Variants in CDK15 observed in about 807,000 individuals in gnomAD.
CDK15 encodes the protein cyclin-dependent kinase 15.
In CDK15, 62 loss-of-function variants were observed where a neutral mutation model predicts 60.3. That is an observed-to-expected ratio of 1.03 (90% CI 0.84 to 1.27). The LOEUF (loss-of-function observed/expected upper bound fraction) is 1.27, where lower values mean the gene tolerates loss of function less well. Among genes scored for constraint, CDK15 ranks in the 50% most tolerant of loss-of-function variants. The pLI is 0.00. For missense variants in CDK15, 541 were observed against 527.8 expected (o/e 1.03, Z -0.25); for synonymous variants, 194 against 195.7 (o/e 0.99, Z 0.07).
chr2:201,860,775 C>T (rs1002323651), intron 10 of CDK15: 8 of 1,352,054 alleles, frequency 5.9e-6, no homozygotes, highest in Admixed American at 1.9e-5. Flanking sequence ...GGCATACTGA[C>T]ATCGGACAGC....
chr2:201,833,883 C>T lies in CDK15; in HGVS notation c.642C>T (p.Tyr214=), dbSNP rs1696884652. The part of the protein sequence containing the change: ...FMFQLLRGLA[Y]IHHQHVLHRD... ...TTCAACTTTTGCGGGGCCTGGCGTA[C>T]ATCCACCACCAACACGTTCTTCACA... The change falls in exon 7 of 14, where the codon TAC becomes TAT. Residue 214 remains tyrosine, a synonymous_variant. Transcript: ENST00000652192. The T allele has an allele frequency of 1.2e-6, 2 of 1,613,894 alleles. No individual in the cohort carries two copies. The highest frequency in any genetic ancestry group is 1.3e-5 in the African/African-American group (1 of 74,868).
At chr2:201,824,637 A>G (rs1442583076) in intron 6 of CDK15, 5 of 327,118 alleles carry the variant, frequency 1.5e-5, no homozygotes, top group Non-Finnish European at 2.9e-5. Flanking sequence ...TCCCCTTTGT[A>G]AGATTTGTAA....
At chr2:201,820,383 G>A (rs1307286496) in intron 4 of CDK15, among the ~76,000 whole-genome samples, 1 of 152,208 alleles carries the variant, frequency 6.6e-6, no homozygotes, top group South Asian at 2.1e-4. Flanking sequence ...GGGGCAAGAA[G>A]CTGGCAAGAA....
intron 4 of CDK15, among the ~76,000 whole-genome samples, chr2:201,814,519 C>T (rs1327868548): frequency 1.3e-5 from 2 of 152,170 alleles, no homozygotes; most frequent in African/African-American, 2.4e-5. Context: ...AGATATGAGG[C>T]TTTATTCGAA....
chr2:201,827,361 C>T (rs1696553400), intron 6 of CDK15, among the ~76,000 whole-genome samples: 1 of 152,146 alleles, frequency 6.6e-6, no homozygotes, highest in African/African-American at 2.4e-5. Flanking sequence ...GGGTGGATCG[C>T]TTGAGCACAG....
At position 201,807,843 on chromosome 2, in the gene CDK15, A is replaced by C. The variant is rs1695585692; in HGVS notation, c.274-15A>C. 6.3e-7 allele frequency: 1 copy of C among 1,595,580 alleles called. No individual in the cohort carries two copies. On this transcript the variant is annotated splice_polypyrimidine_tract_variant and intron_variant, in intron 2 of 13. Transcript: ENST00000652192. Reference sequence around the variant, plus strand: ...TCCCTTTCACCCGCTCCTTTTCCCCATTCCCCTAGAGCAGAGGAAGAGCCT... The same window carrying C: ...TCCCTTTCACCCGCTCCTTTTCCCCCTTCCCCTAGAGCAGAGGAAGAGCCT...
At chr2:201,823,059 C>G (rs1211976019) in intron 5 of CDK15, among the ~76,000 whole-genome samples, 156 bp downstream of exon 5, 1 of 152,086 alleles carries the variant, frequency 6.6e-6, no homozygotes, top group Non-Finnish European at 1.5e-5. Context: ...CTTATTGTTC[C>G]CACATCCATC....
At chr2:201,887,377 T>C (rs917396559) in intron 12 of CDK15, among the ~76,000 whole-genome samples, 7 of 152,350 alleles carry the variant, frequency 4.6e-5, no homozygotes, top group South Asian at 2.1e-4. Flanking sequence ...GTCATTTCTT[T>C]TCCTTTCTCA....
At chr2:201,881,796 A>G (rs80299254) in intron 12 of CDK15, among the ~76,000 whole-genome samples, 1,878 of 151,716 alleles carry the variant, frequency 0.012, 44 homozygotes, top group African/African-American at 0.043. Context: ...CCCTCTTCCC[A>G]GTCCAAGCCC....
At chr2:201,857,304 G>A (rs1698187049) in intron 10 of CDK15, among the ~76,000 whole-genome samples, 1 of 149,998 alleles carries the variant, frequency 6.7e-6, no homozygotes, top group South Asian at 2.2e-4. Context: ...AAAATTTTCT[G>A]TTGTTTCAAA....
intron 12 of CDK15, among the ~76,000 whole-genome samples, chr2:201,887,833 C>T (rs555909397): frequency 2.6e-5 from 4 of 152,208 alleles, no homozygotes; most frequent in African/African-American, 7.2e-5. Flanking sequence ...CTGTGTGATC[C>T]TCTGGGCTTT....
intron 10 of CDK15, among the ~76,000 whole-genome samples, chr2:201,867,549 C>A (rs575721492): frequency 6.6e-6 from 1 of 151,398 alleles, no homozygotes; most frequent in Non-Finnish European, 1.5e-5. Context: ...GGCTTGAGAC[C>A]GGGAGGTCAA....
At chr2:201,890,755 A>T (rs371483851) in intron 12 of CDK15, 30 bp from the exon 13 acceptor site, 114 of 1,516,758 alleles carry the variant, frequency 7.5e-5, no homozygotes, top group Non-Finnish European at 9.9e-5. Context: ...GAAATAACAT[A>T]TTGGTGCTTC....
At chr2:201,848,188 A>C (rs1421881739) in intron 9 of CDK15, among the ~76,000 whole-genome samples, 1 of 152,146 alleles carries the variant, frequency 6.6e-6, no homozygotes, top group Non-Finnish European at 1.5e-5. Flanking sequence ...TGTACCATTT[A>C]TCATGCTTAT....
Position 201,869,082 on chromosome 2 carries a change from A to G in CDK15, c.1010-3196A>G, listed in dbSNP as rs568018940. 6.0e-4 allele frequency among the ~76,000 whole-genome samples: 91 copies of G among 152,362 alleles called. 1 individual carries two copies. Among genetic ancestry groups the G allele is most frequent in the South Asian group, 1.7e-3 (8 of 4,830 alleles). On this transcript the variant is annotated intron_variant, in intron 10 of 13. Transcript: ENST00000652192. ...CTACTATAAAGACACATGCACATGTATGTTTATTGTGACACTATTCACAAT... is the reference window on the plus strand; with the variant it reads ...CTACTATAAAGACACATGCACATGTGTGTTTATTGTGACACTATTCACAAT...
In CDK15 at chr2:201,888,882, A is replaced by G. The variant is rs112841846; in HGVS notation, c.1199-1903A>G. ...TTTGGATTTGAGTTGATTTGAGAATAATTGGTAAAGTATACGCACTGTTTA... is the reference window on the plus strand; with the variant it reads ...TTTGGATTTGAGTTGATTTGAGAATGATTGGTAAAGTATACGCACTGTTTA... On this transcript the variant is annotated intron_variant, in intron 12 of 13. Transcript: ENST00000652192. 2,461 of 1,040,108 alleles carry G rather than the reference A, an allele frequency of 2.4e-3. 46 individuals are homozygous for G. In the African/African-American group the frequency reaches 0.034, roughly 14 times the overall value. 64.4% of individuals were successfully genotyped at this position (1,040,108 alleles called of 1,614,324 possible).
At chr2:201,810,109 G>A (rs1000477272) in intron 3 of CDK15, among the ~76,000 whole-genome samples, 2 of 151,466 alleles carry the variant, frequency 1.3e-5, no homozygotes, top group East Asian at 3.9e-4. Flanking sequence ...CTTTTTGCAG[G>A]GTTTGGGGGA....
intron 10 of CDK15, among the ~76,000 whole-genome samples, chr2:201,871,797 C>A (rs1275501626): frequency 6.6e-6 from 1 of 151,976 alleles, no homozygotes; most frequent in African/African-American, 2.4e-5. Flanking sequence ...GAGTTGGTTC[C>A]GTGGGAGGGA....
At chr2:201,863,589 C>G (rs1381828017) in intron 10 of CDK15, among the ~76,000 whole-genome samples, 2 of 152,094 alleles carry the variant, frequency 1.3e-5, no homozygotes, top group Non-Finnish European at 1.5e-5. Flanking sequence ...TGGTGGCTCA[C>G]TCCTGTAATC....
Sources: gnomAD v4.1 joint callset for allele counts (sites outside exome capture counted in the v4.1 genomes callset) on GRCh38, gnomAD v4.1.1 for gene constraint, MANE v1.5 for transcripts, NCBI Gene and HGNC (gene_info 2026-07-23, HGNC 2026-07-21) for gene names.